TTC13: variants seen among roughly 807,000 people sequenced by gnomAD.
TTC13 encodes tetratricopeptide repeat domain 13.
In TTC13, 62 loss-of-function variants were observed where a neutral mutation model predicts 120.0. That is an observed-to-expected ratio of 0.52 (90% CI 0.42 to 0.64). TTC13 has a LOEUF of 0.64. Ranked by LOEUF, TTC13 falls within the 30% of genes least tolerant of loss-of-function variation. The pLI is 0.00. For missense variants in TTC13, 824 were observed against 1,050.2 expected (o/e 0.78, Z 2.98); for synonymous variants, 384 against 393.5 (o/e 0.98, Z 0.28).
rs544204147 is a variant in TTC13 at position 230,931,791 on chromosome 1, C to T, written c.1070G>A (p.Arg357Gln). ...NQNHVQTLQLRGMMLYHHGSL... is the reference protein window; with the variant it reads ...NQNHVQTLQLQGMMLYHHGSL... ...GCCGTGGTGGTAGAGCATCATTCCC[C>T]GGAGCTGGAGGGTTTGCACATGATT... The change falls in exon 10 of 23, where the codon CGG (arginine) becomes CAG (glutamine). Residue 357 changes from arginine to glutamine, a missense_variant. Transcript: ENST00000366661. 18 of 1,614,116 alleles carry T rather than the reference C, an allele frequency of 1.1e-5. No individual in the cohort carries two copies. Among genetic ancestry groups the T allele is most frequent in the African/African-American group, 4.0e-5 (3 of 75,020 alleles).
At chr1:230,969,409 C>A (rs1424119360) in intron 1 of TTC13, among the ~76,000 whole-genome samples, 1 of 152,174 alleles carries the variant, frequency 6.6e-6, no homozygotes. Context: ...CTATCCATTT[C>A]TTTGAAAGGT....
chr1:230,971,094 C>T (rs1302098912), intron 1 of TTC13, among the ~76,000 whole-genome samples: 2 of 152,100 alleles, frequency 1.3e-5, no homozygotes, highest in Non-Finnish European at 2.9e-5. Flanking sequence ...GCCTATAATG[C>T]CAGCACTTTG....
intron 9 of TTC13, among the ~76,000 whole-genome samples, chr1:230,932,714 C>T (rs4472764): frequency 0.45 from 68,738 of 152,026 alleles, 16,554 homozygotes; most frequent in Admixed American, 0.56. Context: ...AATCCAAACA[C>T]ACTTCTTCCA....
chr1:230,927,912 GC>G (rs1226396372), intron 12 of TTC13, among the ~76,000 whole-genome samples: 1 of 151,866 alleles, frequency 6.6e-6, no homozygotes, highest in Non-Finnish European at 1.5e-5. Context: ...AACTTAATTG[GC>G]CCACTCCCAC....
In TTC13 at chr1:230,912,647, T is replaced by C. The variant is rs374499824; in HGVS notation, c.2205A>G (p.Val735=). The change falls in exon 19 of 23, where the codon GTA becomes GTG. Residue 735 remains valine, a synonymous_variant. Transcript: ENST00000366661. ...CCCCAAATTCTGATGAAAGAATCAA[T>C]ACTTTTCCTTTTGCTGTCAAATCTT... ...LYKDLTAKGK[V]LILSSEFGEA... The C allele has an allele frequency of 1.9e-6, 3 of 1,612,204 alleles. No homozygotes were observed. The highest frequency in any genetic ancestry group is 2.2e-5 in the East Asian group (1 of 44,750).
Position 230,912,714 on chromosome 1 carries a change from T to C in TTC13, c.2138A>G (p.Glu713Gly). The change falls in exon 19 of 23, where the codon GAA (glutamate) becomes GGA (glycine). Residue 713 changes from glutamate (E) to glycine (G), a missense_variant. Around this residue, in one of 4 missense-constraint regions of TTC13, gnomAD observed 226 missense variants for 259.1 expected, o/e 0.87. Coordinates refer to ENST00000366661, the MANE Select transcript of TTC13 (RefSeq NM_024525.5). ...TTCAGCATGATATAATTGTGTCCTTTCTTCCGTGGTTTGAGTTTCCACAGA... is the reference window on the plus strand; with the variant it reads ...TTCAGCATGATATAATTGTGTCCTTCCTTCCGTGGTTTGAGTTTCCACAGA... ...LFSVETQTTEERTQLYHAEID... is the reference protein window; with the variant it reads ...LFSVETQTTEGRTQLYHAEID... 1.2e-6 allele frequency: 2 copies of C among 1,612,516 alleles called. No individual in the cohort carries two copies. The highest frequency in any genetic ancestry group is 1.7e-6 in the Non-Finnish European group (2 of 1,179,544).
At chr1:230,956,768 T>A (rs1676125003) in intron 3 of TTC13, among the ~76,000 whole-genome samples, 1 of 152,174 alleles carries the variant, frequency 6.6e-6, no homozygotes, top group Non-Finnish European at 1.5e-5. Flanking sequence ...AAAAGAATAA[T>A]CATAACCCAA....
At chr1:230,931,899 T>A (rs760399422) in intron 9 of TTC13, 22 bp from the exon 10 acceptor site, 1 of 1,611,108 alleles carries the variant, frequency 6.2e-7, no homozygotes, top group African/African-American at 1.3e-5. Flanking sequence ...ATAATAGTTA[T>A]GAATACAGTA....
chr1:230,967,586 C>G (rs1253173054), intron 1 of TTC13, among the ~76,000 whole-genome samples: 2 of 152,116 alleles, frequency 1.3e-5, no homozygotes, highest in Non-Finnish European at 2.9e-5. Flanking sequence ...GTAGATCATT[C>G]TTTTAATTGC....
chr1:230,919,670 G>A (rs1412615594), intron 17 of TTC13, among the ~76,000 whole-genome samples: 1 of 152,144 alleles, frequency 6.6e-6, no homozygotes, highest in Non-Finnish European at 1.5e-5. Flanking sequence ...CTTTGTTAGG[G>A]CAGTCTATTT....
In TTC13 at chr1:230,920,608, A is replaced by T; in HGVS notation, c.1899-14T>A. Reference sequence around the variant, plus strand: ...GGATTATTAGCTCTTAAAGAGAGACAGAGAGAGATGGCAACTGAGATTAAT... The same window carrying T: ...GGATTATTAGCTCTTAAAGAGAGACTGAGAGAGATGGCAACTGAGATTAAT... On this transcript the variant is annotated splice_polypyrimidine_tract_variant and intron_variant, in intron 16 of 22. Coordinates refer to ENST00000366661, the MANE Select transcript of TTC13 (RefSeq NM_024525.5). 1 of 1,485,242 alleles carries T rather than the reference A, an allele frequency of 6.7e-7. No individual in the cohort carries two copies. The highest frequency in any genetic ancestry group is 9.1e-7 in the Non-Finnish European group (1 of 1,102,530). The allele number at this position is 1,485,242 out of a possible 1,614,324, so 92.0% of individuals were successfully genotyped here. A position where few individuals can be genotyped will look rare whatever the true frequency, so the allele number is the denominator to read the frequency against.
At chr1:230,916,414 G>T in intron 17 of TTC13, 112 bp from the exon 18 acceptor site, 3 of 807,386 alleles carry the variant, frequency 3.7e-6, no homozygotes, top group Non-Finnish European at 4.3e-6. Context: ...GGCCAAGGAG[G>T]TCATCTGATA....
In TTC13 at chr1:230,958,319, AAC is replaced by A; in HGVS notation, c.367-22_367-21del. On this transcript the variant is annotated intron_variant, in intron 2 of 22. Transcript: ENST00000366661. Reference sequence around the variant, plus strand: ...CTGGCTCTGGGAAAAAAAAAAAAAAAACCCATACATTTTAGCTATCACAAATG... The same window carrying A: ...CTGGCTCTGGGAAAAAAAAAAAAAAACCATACATTTTAGCTATCACAAATG... 6.4e-7 allele frequency: 1 copy of A among 1,571,382 alleles called. No individual in the cohort carries two copies.
chr1:230,912,570 T>A, intron 19 of TTC13, 53 bp downstream of exon 19: 1 of 1,587,130 alleles, frequency 6.3e-7, no homozygotes. Context: ...GTTCAAAAAA[T>A]TTACAAAAGA....
At chr1:230,908,042 T>A (rs1231015126) in intron 22 of TTC13, among the ~76,000 whole-genome samples, 1 of 152,176 alleles carries the variant, frequency 6.6e-6, no homozygotes, top group Admixed American at 6.5e-5. Flanking sequence ...GTGCTACCAC[T>A]CAGAGTAATG....
At chr1:230,908,239 G>C (rs749149929) in intron 22 of TTC13, among the ~76,000 whole-genome samples, 1 of 152,198 alleles carries the variant, frequency 6.6e-6, no homozygotes, top group African/African-American at 2.4e-5. Flanking sequence ...CCAAGCTGGA[G>C]TGCAGTGGTG....
At chr1:230,908,508 C>T (rs1671161854) in intron 22 of TTC13, 1 of 578,732 alleles carries the variant, frequency 1.7e-6, no homozygotes, top group African/African-American at 1.9e-5. Flanking sequence ...CCATTTTTAT[C>T]CATACATTCA....
Position 230,940,443 on chromosome 1 carries a change from T to C in TTC13, c.786A>G (p.Ser262=). ...CTTCAAGACAAAAACCAGTCACCTC[T>C]GATATGAAGTACAGGGTTCCCCGAT... ...YRHRGTLYFI[S]EDYATAHEDF... is the part of the protein sequence containing the mutation. The change falls in exon 7 of 23, where the codon TCA becomes TCG. Residue 262 remains serine (S), a synonymous_variant. Transcript: ENST00000366661. This position sits in a 1 kb window ranked among gnomAD's most constrained non-coding sequence, Gnocchi z 4.1. 6.2e-7 allele frequency: 1 copy of C among 1,601,332 alleles called. No individual in the cohort carries two copies. The highest frequency in any genetic ancestry group is 8.5e-7 in the Non-Finnish European group (1 of 1,169,660).
intron 1 of TTC13, among the ~76,000 whole-genome samples, chr1:230,976,413 G>A (rs12144243): frequency 0.1 from 15,211 of 152,192 alleles, 797 homozygotes; most frequent in South Asian, 0.17. Flanking sequence ...TGTCCAGGGC[G>A]AAGAGGGAGA....
Sources: allele counts gnomAD v4.1 joint callset (sites outside exome capture counted in the v4.1 genomes callset), GRCh38; gene constraint gnomAD v4.1.1; regional missense constraint gnomAD v4.1.1; non-coding constraint Gnocchi (gnomAD v3.1); transcripts MANE v1.5; gene names NCBI Gene and HGNC (gene_info 2026-07-23, HGNC 2026-07-21).